Variants in LRMDA observed in about 807,000 individuals in gnomAD.
The protein encoded by LRMDA is leucine rich melanocyte differentiation associated.
Under a neutral mutation model 29.8 loss-of-function variants are expected in LRMDA, and 18 were observed. The ratio of observed to expected loss-of-function variants is 0.60; its 90% CI spans 0.42 to 0.90. LRMDA has a LOEUF of 0.90. LRMDA is among the 40% of genes least tolerant of loss of function. The pLI, the probability that LRMDA is intolerant of heterozygous loss-of-function variation, is 0.00. For missense variants in LRMDA, 273 were observed against 273.9 expected (o/e 1.00, Z 0.02); for synonymous variants, 125 against 109.4 (o/e 1.14, Z -0.89).
intron 2 of LRMDA, among the ~76,000 whole-genome samples, chr10:75,523,659 A>G (rs1845385612): frequency 6.6e-6 from 1 of 152,200 alleles, no homozygotes; most frequent in African/African-American, 2.4e-5. Flanking sequence ...TATAATAATT[A>G]TGCTGGAAAA....
At chr10:75,956,853 A>G (rs1846672332) in intron 2 of LRMDA, among the ~76,000 whole-genome samples, 1 of 152,146 alleles carries the variant, frequency 6.6e-6, no homozygotes, top group Non-Finnish European at 1.5e-5. Flanking sequence ...ACATGGCTTC[A>G]CCCAGCTGCA....
intron 6 of LRMDA, among the ~76,000 whole-genome samples, chr10:76,534,499 A>G (rs1843270728): frequency 1.3e-5 from 2 of 152,220 alleles, no homozygotes; most frequent in Admixed American, 6.5e-5. Flanking sequence ...CACAAAAATT[A>G]CACCTGGAGG....
chr10:75,787,394 C>T (rs1340172286), intron 2 of LRMDA, among the ~76,000 whole-genome samples: 1 of 152,198 alleles, frequency 6.6e-6, no homozygotes, highest in Non-Finnish European at 1.5e-5. Context: ...GGATGTTTCA[C>T]TGAAGGCTTA....
intron 5 of LRMDA, among the ~76,000 whole-genome samples, chr10:76,103,438 G>T (rs1049613914): frequency 2.0e-5 from 3 of 152,142 alleles, no homozygotes; most frequent in African/African-American, 7.2e-5. Context: ...GATCCCGGGG[G>T]CCTCTGTTCT....
At chr10:75,618,382 C>CTCTCTCTATA (rs1338091170) in intron 2 of LRMDA, among the ~76,000 whole-genome samples, 4 of 77,022 alleles carry the variant, frequency 5.2e-5, no homozygotes, top group African/African-American at 1.7e-4. Context: ...CTCTCTCTCT[C>CTCTCTCTATA]TATATATATA....
At chr10:76,059,825 C>T (rs984165584) in intron 5 of LRMDA, among the ~76,000 whole-genome samples, 3 of 152,144 alleles carry the variant, frequency 2.0e-5, no homozygotes, top group African/African-American at 7.2e-5. Context: ...TGAGGTGCAA[C>T]TTATTTTCCA....
At chr10:76,285,302 G>A (rs1318413647) in intron 5 of LRMDA, among the ~76,000 whole-genome samples, 1 of 152,092 alleles carries the variant, frequency 6.6e-6, no homozygotes, top group Non-Finnish European at 1.5e-5. Context: ...GAGTAGTCAG[G>A]CACTCTACTT....
At chr10:75,534,622 T>C (rs1839922199) in intron 2 of LRMDA, among the ~76,000 whole-genome samples, 1 of 152,248 alleles carries the variant, frequency 6.6e-6, no homozygotes, top group Non-Finnish European at 1.5e-5. Context: ...TGAACATTGT[T>C]AGACATAGAC....
intron 6 of LRMDA, among the ~76,000 whole-genome samples, chr10:76,444,953 T>G (rs960226941): frequency 3.3e-5 from 5 of 152,126 alleles, no homozygotes; most frequent in South Asian, 2.1e-4. Flanking sequence ...ATATGTATAT[T>G]TATATCCATA....
intron 2 of LRMDA, among the ~76,000 whole-genome samples, chr10:75,589,035 T>C (rs773029322): frequency 3.9e-5 from 6 of 152,248 alleles, no homozygotes; most frequent in Non-Finnish European, 8.8e-5. Context: ...GCTTGTTTTC[T>C]TCCATTCACT....
chr10:76,488,484 T>C (rs1355785014), intron 6 of LRMDA, among the ~76,000 whole-genome samples: 1 of 149,726 alleles, frequency 6.7e-6, no homozygotes, highest in East Asian at 2.0e-4. Context: ...ACCATGTGTG[T>C]ATCAATAGTT....
chr10:76,492,783 A>G (rs1842846466), intron 6 of LRMDA, among the ~76,000 whole-genome samples: 1 of 152,090 alleles, frequency 6.6e-6, no homozygotes, highest in South Asian at 2.1e-4. Flanking sequence ...CTGACGAAGA[A>G]GGAAGCCCTT....
intron 2 of LRMDA, among the ~76,000 whole-genome samples, chr10:75,625,731 C>T: frequency 6.6e-6 from 1 of 152,164 alleles, no homozygotes; most frequent in Non-Finnish European, 1.5e-5. Flanking sequence ...TTCTCTCATC[C>T]TATCCCCCCA....
At chr10:76,028,183 T>C (rs1848091059) in intron 2 of LRMDA, among the ~76,000 whole-genome samples, 1 of 152,182 alleles carries the variant, frequency 6.6e-6, no homozygotes, top group Non-Finnish European at 1.5e-5. Context: ...AAGAAAAGGA[T>C]ATAAATATTT....
intron 5 of LRMDA, among the ~76,000 whole-genome samples, chr10:76,252,705 A>C (rs1329593505): frequency 6.6e-6 from 1 of 152,146 alleles, no homozygotes; most frequent in East Asian, 1.9e-4. Flanking sequence ...TCTTAAACTC[A>C]TGGTTTGGTC....
intron 2 of LRMDA, among the ~76,000 whole-genome samples, chr10:75,458,751 G>A (rs1844550103): frequency 6.6e-6 from 1 of 152,130 alleles, no homozygotes. Flanking sequence ...GATGGGACAA[G>A]CTTTCCGTCA....
At chr10:75,939,771 A>G (rs1846357241) in intron 2 of LRMDA, among the ~76,000 whole-genome samples, 1 of 152,090 alleles carries the variant, frequency 6.6e-6, no homozygotes, top group African/African-American at 2.4e-5. Flanking sequence ...CTAGGTAGGT[A>G]TTTGGCTCTC....
intron 2 of LRMDA, among the ~76,000 whole-genome samples, chr10:75,686,378 G>A (rs1000829866): frequency 6.6e-5 from 10 of 152,116 alleles, no homozygotes; most frequent in Non-Finnish European, 1.5e-4. Context: ...TCTCAGGAAG[G>A]CCTTCCCCCA....
chr10:76,361,969 T>C (rs775634761), intron 6 of LRMDA, among the ~76,000 whole-genome samples: 4 of 152,162 alleles, frequency 2.6e-5, no homozygotes, highest in Non-Finnish European at 4.4e-5. Flanking sequence ...TCTCTGTTCT[T>C]CTGGGAGTTC....
Sources: allele counts gnomAD v4.1 joint callset (sites outside exome capture counted in the v4.1 genomes callset), GRCh38; gene constraint gnomAD v4.1.1; transcripts MANE v1.5; gene names NCBI Gene and HGNC (gene_info 2026-07-23, HGNC 2026-07-21).